Variants in ITGBL1 observed in about 807,000 individuals in gnomAD.
ITGBL1 encodes integrin beta-like protein 1.
In ITGBL1, 51 loss-of-function variants were observed where a neutral mutation model predicts 68.5. The ratio of observed to expected loss-of-function variants is 0.74; its 90% confidence interval spans 0.59 to 0.94. The LOEUF is 0.94. Ranked by LOEUF, ITGBL1 falls within the 40% of genes least tolerant of loss-of-function variation. The probability of loss-of-function intolerance (pLI) is 0.00; values close to 1 mark genes in which losing one functional copy is unlikely to be tolerated. For synonymous variants in ITGBL1, 209 were observed against 227.3 expected, an observed-to-expected ratio of 0.92 and a Z score of 0.72; for missense variants, 649 against 647.4, an observed-to-expected ratio of 1.00 and a Z score of -0.03.
At chr13:101,704,483 G>T (rs117617139) in intron 8 of ITGBL1, among the ~76,000 whole-genome samples, 7,231 of 19,864 alleles carry the variant, frequency 0.36, 287 homozygotes, top group Non-Finnish European at 0.43. Flanking sequence ...TATTCATTCA[G>T]TAAAAAAAAA....
At chr13:101,639,222 C>T (rs1169325856) in intron 7 of ITGBL1, among the ~76,000 whole-genome samples, 1 of 152,068 alleles carries the variant, frequency 6.6e-6, no homozygotes, top group African/African-American at 2.4e-5. Flanking sequence ...CTAGAAATTA[C>T]AAAAAAATTC....
At position 101,526,152 on chromosome 13, in the gene ITGBL1, C is replaced by CTT. The variant is rs199695076; in HGVS notation, c.317-41546_317-41545dup. The stretch of plus-strand genomic sequence containing the variant: ...AGGCTAGTTTCTTCTTCTTCTTCTT[C>CTT]TTCTTTTTTTTTTTTTTAAATACTT... On this transcript the variant is annotated intron_variant, in intron 2 of 10. Coordinates refer to ENST00000376180, the MANE Select transcript of ITGBL1 (RefSeq NM_004791.3). Among the ~76,000 whole-genome samples, 18 of 60,906 alleles carry CTT rather than the reference C, an allele frequency of 3.0e-4. 1 individual carries two copies. The highest frequency in any genetic ancestry group is 1.1e-3 in the African/African-American group (18 of 16,268). 40.0% of individuals were successfully genotyped at this position (60,906 alleles called of 152,430 possible).
chr13:101,610,104 T>C (rs1292849075), intron 7 of ITGBL1, among the ~76,000 whole-genome samples: 1 of 152,160 alleles, frequency 6.6e-6, no homozygotes, highest in Non-Finnish European at 1.5e-5. Context: ...GTGACAGTTA[T>C]GAAAATTTTG....
chr13:101,659,225 T>A (rs1265662279), intron 7 of ITGBL1, among the ~76,000 whole-genome samples: 1 of 152,014 alleles, frequency 6.6e-6, no homozygotes, highest in Non-Finnish European at 1.5e-5. Flanking sequence ...AGAAAATTCC[T>A]TATTAAACAT....
At chr13:101,618,676 G>A (rs1171040046) in intron 7 of ITGBL1, among the ~76,000 whole-genome samples, 9 of 152,058 alleles carry the variant, frequency 5.9e-5, no homozygotes, top group Admixed American at 1.3e-4. Flanking sequence ...ATGGGTTGAC[G>A]CAACAGCCTC....
At chr13:101,543,592 T>A (rs1298224069) in intron 2 of ITGBL1, among the ~76,000 whole-genome samples, 5 of 152,182 alleles carry the variant, frequency 3.3e-5, no homozygotes, top group Admixed American at 3.3e-4. Context: ...TTCCTGAGTT[T>A]GAATGTTGGC....
chr13:101,671,454 T>TTTTTTTTTTTTTC (rs2033369582), intron 7 of ITGBL1, among the ~76,000 whole-genome samples: 1 of 138,340 alleles, frequency 7.2e-6, no homozygotes, highest in African/African-American at 2.6e-5. Flanking sequence ...TTTGTTTTTT[T>TTTTTTTTTTTTTC]TTGAGACGGA....
intron 2 of ITGBL1, among the ~76,000 whole-genome samples, chr13:101,513,983 A>G (rs1279147230): frequency 1.3e-5 from 2 of 152,058 alleles, no homozygotes; most frequent in African/African-American, 4.8e-5. Context: ...TTCAATGTGA[A>G]TTTCATCATA....
chr13:101,586,548 T>C (rs985045569), intron 6 of ITGBL1, among the ~76,000 whole-genome samples: 13 of 152,236 alleles, frequency 8.5e-5, no homozygotes, highest in African/African-American at 2.7e-4. Context: ...GTCTATAGTT[T>C]AGCAGAAGAG....
chr13:101,505,604 T>C (rs1247021569), intron 2 of ITGBL1, among the ~76,000 whole-genome samples: 2 of 152,210 alleles, frequency 1.3e-5, no homozygotes, highest in Non-Finnish European at 2.9e-5. Context: ...CTTCAGTGTA[T>C]GCCATGCACT....
intron 9 of ITGBL1, among the ~76,000 whole-genome samples, chr13:101,707,973 A>G (rs151019979): frequency 2.6e-3 from 389 of 152,122 alleles, no homozygotes; most frequent in African/African-American, 8.9e-3. Context: ...TGCCATGGAA[A>G]CATATTAAAG....
intron 7 of ITGBL1, among the ~76,000 whole-genome samples, chr13:101,644,814 G>T (rs2032506905): frequency 6.6e-6 from 1 of 152,126 alleles, no homozygotes; most frequent in African/African-American, 2.4e-5. Flanking sequence ...ATTAGATATT[G>T]TGGAGTACCT....
intron 2 of ITGBL1, among the ~76,000 whole-genome samples, chr13:101,505,933 C>A (rs1035318945): frequency 1.3e-4 from 20 of 152,278 alleles, no homozygotes; most frequent in African/African-American, 4.6e-4. Context: ...TTGAAAGTTG[C>A]TTCAGCAGCA....
At chr13:101,481,199 A>G (rs1005781762) in intron 2 of ITGBL1, among the ~76,000 whole-genome samples, 1 of 151,158 alleles carries the variant, frequency 6.6e-6, no homozygotes, top group African/African-American at 2.4e-5. Flanking sequence ...AGAGAGAGAG[A>G]GAGACTGTGA....
At chr13:101,499,306 T>G (rs896245359) in intron 2 of ITGBL1, among the ~76,000 whole-genome samples, 32 of 152,244 alleles carry the variant, frequency 2.1e-4, no homozygotes, top group African/African-American at 7.7e-4. Flanking sequence ...TTGCTGGATA[T>G]TTCTGCTTTG....
At chr13:101,509,937 ATGAAT>A (rs1594855417) in intron 2 of ITGBL1, among the ~76,000 whole-genome samples, 4 of 152,200 alleles carry the variant, frequency 2.6e-5, no homozygotes. Context: ...CTTCCTAGAC[ATGAAT>A]TATGCAGTGA....
intron 2 of ITGBL1, among the ~76,000 whole-genome samples, chr13:101,508,837 T>G (rs2049067712): frequency 6.6e-6 from 1 of 152,180 alleles, no homozygotes; most frequent in Non-Finnish European, 1.5e-5. Flanking sequence ...TTTGAGAAAC[T>G]TTTTAAATCA....
At chr13:101,605,174 G>A (rs57676574) in intron 7 of ITGBL1, among the ~76,000 whole-genome samples, 60,767 of 65,636 alleles carry the variant, frequency 0.93, 28,212 homozygotes, top group Middle Eastern at 0.97. Flanking sequence ...GCGTATATAT[G>A]CACATATAGA....
intron 7 of ITGBL1, among the ~76,000 whole-genome samples, chr13:101,634,292 A>T (rs377164312): frequency 6.6e-6 from 1 of 152,150 alleles, no homozygotes; most frequent in Non-Finnish European, 1.5e-5. Context: ...AAGATGATAG[A>T]CTCCAATGGG....
Sources: gnomAD v4.1 joint callset for allele counts (sites outside exome capture counted in the v4.1 genomes callset) on GRCh38, gnomAD v4.1.1 for gene constraint, MANE v1.5 for transcripts, NCBI Gene and HGNC (gene_info 2026-07-23, HGNC 2026-07-21) for gene names.